Variants in SESTD1 observed in about 807,000 individuals in gnomAD.
SESTD1 encodes SEC14 domain and spectrin repeat-containing protein 1.
Under a neutral mutation model 101.7 loss-of-function variants are expected in SESTD1, and 43 were observed. The observed-to-expected ratio is 0.42, with a 90% CI of 0.33 to 0.55. The LOEUF (loss-of-function observed/expected upper bound fraction) is 0.55, where lower values mean the gene tolerates loss of function less well. SESTD1 is among the 20% of genes least tolerant of loss of function. The probability of loss-of-function intolerance (pLI) is 0.07; values close to 1 mark genes in which losing one functional copy is unlikely to be tolerated. For synonymous variants in SESTD1, 283 were observed against 286.8 expected (o/e 0.99, Z 0.13); for missense variants, 647 against 815.1 (o/e 0.79, Z 2.51).
At chr2:179,182,465 C>G (rs907675506) in intron 3 of SESTD1, among the ~76,000 whole-genome samples, 2 of 152,078 alleles carry the variant, frequency 1.3e-5, no homozygotes, top group Non-Finnish European at 2.9e-5. Context: ...CTCCAGATGA[C>G]TAATACGCAG....
At chr2:179,181,466 T>A (rs2046108143) in intron 3 of SESTD1, among the ~76,000 whole-genome samples, 1 of 152,186 alleles carries the variant, frequency 6.6e-6, no homozygotes, top group Non-Finnish European at 1.5e-5. Context: ...CCTCAGGCAT[T>A]TTTCAAGAGT....
chr2:179,245,179 T>C (rs1417859358), intron 1 of SESTD1, among the ~76,000 whole-genome samples: 1 of 151,778 alleles, frequency 6.6e-6, no homozygotes, highest in African/African-American at 2.4e-5. Flanking sequence ...ACACAGCATG[T>C]TGGCAACATA....
intron 4 of SESTD1, 59 bp from the exon 5 acceptor site, chr2:179,172,292 T>A (rs2045941211): frequency 5.3e-6 from 6 of 1,139,962 alleles, no homozygotes; most frequent in Non-Finnish European, 7.6e-6. Context: ...ATTTACTAAA[T>A]TTATAAATTA....
chr2:179,229,749 T>TATA (rs2046950405), intron 1 of SESTD1, among the ~76,000 whole-genome samples: 7 of 106,362 alleles, frequency 6.6e-5, no homozygotes, highest in Non-Finnish European at 1.4e-4. Flanking sequence ...TTGTAAGAAC[T>TATA]TATATATATA....
intron 1 of SESTD1, among the ~76,000 whole-genome samples, chr2:179,258,399 A>C (rs958239942): frequency 6.6e-6 from 1 of 152,196 alleles, no homozygotes; most frequent in South Asian, 2.1e-4. Context: ...TACCAAATCA[A>C]TATCACTGAA....
At chr2:179,178,635 T>G (rs1284739761) in intron 3 of SESTD1, among the ~76,000 whole-genome samples, 3 of 151,718 alleles carry the variant, frequency 2.0e-5, no homozygotes, top group East Asian at 1.9e-4. Context: ...CTAGGCAGGG[T>G]AGCTGGCTGT....
chr2:179,154,085 A>C (rs1575447100), intron 5 of SESTD1, among the ~76,000 whole-genome samples: 1 of 151,538 alleles, frequency 6.6e-6, no homozygotes, highest in Admixed American at 6.6e-5. Flanking sequence ...CTCTACAAAA[A>C]AAAAAAAAAA....
At chr2:179,244,449 ACT>A (rs919083560) in intron 1 of SESTD1, among the ~76,000 whole-genome samples, 101 of 149,370 alleles carry the variant, frequency 6.8e-4, no homozygotes, top group African/African-American at 2.3e-3. Flanking sequence ...ATACAGTGAG[ACT>A]CTGTCTCAAA....
intron 2 of SESTD1, among the ~76,000 whole-genome samples, chr2:179,185,667 T>C (rs1159007366): frequency 2.4e-5 from 3 of 126,672 alleles, no homozygotes; most frequent in African/African-American, 6.4e-5. Context: ...ATATACAATA[T>C]ATAATATAGC....
chr2:179,125,197 T>C (rs2044842355), intron 10 of SESTD1, among the ~76,000 whole-genome samples: 1 of 152,094 alleles, frequency 6.6e-6, no homozygotes, highest in East Asian at 1.9e-4. Flanking sequence ...GCTCCAAAAA[T>C]CTGTTTCATG....
intron 1 of SESTD1, among the ~76,000 whole-genome samples, chr2:179,193,124 T>A (rs903408325): frequency 6.6e-6 from 1 of 151,772 alleles, no homozygotes; most frequent in African/African-American, 2.4e-5. Flanking sequence ...AGGCAGTCTT[T>A]AAAAAACAAA....
At chr2:179,133,203 G>A (rs1371665898) in intron 9 of SESTD1, among the ~76,000 whole-genome samples, 2 of 151,898 alleles carry the variant, frequency 1.3e-5, no homozygotes, top group East Asian at 3.9e-4. Context: ...ATCAGTATGG[G>A]GCAGATATGG....
chr2:179,223,383 C>T (rs929092346), intron 1 of SESTD1, among the ~76,000 whole-genome samples: 8 of 151,908 alleles, frequency 5.3e-5, no homozygotes, highest in African/African-American at 1.9e-4. Flanking sequence ...CTGAAATCTA[C>T]TAAAAATCAA....
Position 179,116,664 on chromosome 2 carries a change from G to A in SESTD1, c.1647+4C>T. 6.2e-7 allele frequency: 1 copy of A among 1,614,060 alleles called. No individual in the cohort carries two copies. Among genetic ancestry groups the A allele is most frequent in the South Asian group, 1.1e-5 (1 of 91,076 alleles). On this transcript the variant is annotated splice_donor_region_variant and intron_variant, in intron 15 of 17. Coordinates refer to ENST00000428443, the MANE Select transcript of SESTD1 (RefSeq NM_178123.5). ...GTGGAAAAGGAAGATAACCAGTTTTGCACCTGTGCAACATCAACAAATTTT... is the reference window on the plus strand; with the variant it reads ...GTGGAAAAGGAAGATAACCAGTTTTACACCTGTGCAACATCAACAAATTTT...
chr2:179,127,995 A>C (rs1442676299), intron 10 of SESTD1, among the ~76,000 whole-genome samples: 1 of 152,214 alleles, frequency 6.6e-6, no homozygotes, highest in East Asian at 1.9e-4. Context: ...CGATTCTGAG[A>C]AAAGCAGTGA....
At chr2:179,162,847 T>G in intron 5 of SESTD1, among the ~76,000 whole-genome samples, 1 of 147,870 alleles carries the variant, frequency 6.8e-6, no homozygotes, top group South Asian at 2.1e-4. Flanking sequence ...AAAAATTAGC[T>G]GGGCGTGGTG....
intron 1 of SESTD1, among the ~76,000 whole-genome samples, chr2:179,248,260 G>A (rs2047262844): frequency 6.6e-6 from 1 of 151,800 alleles, no homozygotes; most frequent in Non-Finnish European, 1.5e-5. Context: ...TAGTTATCAA[G>A]TAAAATAAAT....
intron 13 of SESTD1, among the ~76,000 whole-genome samples, chr2:179,118,670 T>C (rs1480687698): frequency 3.3e-5 from 5 of 152,190 alleles, no homozygotes; most frequent in Admixed American, 3.3e-4. Flanking sequence ...TTTTTAAATA[T>C]GAAACTAAAA....
chr2:179,199,841 A>T (rs113549121), intron 1 of SESTD1, among the ~76,000 whole-genome samples: 3 of 152,108 alleles, frequency 2.0e-5, no homozygotes, highest in Admixed American at 6.6e-5. Flanking sequence ...AAAAACTGGA[A>T]GCATTCCCTT....
Sources: allele counts gnomAD v4.1 joint callset (sites outside exome capture counted in the v4.1 genomes callset), GRCh38; gene constraint gnomAD v4.1.1; transcripts MANE v1.5; gene names NCBI Gene and HGNC (gene_info 2026-07-23, HGNC 2026-07-21).